ARRDC5: variants seen among roughly 807,000 people sequenced by gnomAD.
The protein encoded by ARRDC5 is arrestin domain containing 5.
In ARRDC5, 12 loss-of-function variants were observed where a neutral mutation model predicts 13.3. That is an observed-to-expected ratio of 0.90 (90% confidence interval 0.58 to 1.46). ARRDC5 has a LOEUF of 1.46. Among genes scored for constraint, ARRDC5 ranks in the 40% most tolerant of loss-of-function variants. The probability of loss-of-function intolerance (pLI) is 0.00; values close to 1 mark genes in which losing one functional copy is unlikely to be tolerated. For synonymous variants in ARRDC5, 181 were observed against 173.4 expected, an observed-to-expected ratio of 1.04 and a Z score of -0.34; for missense variants, 406 against 418.7, an observed-to-expected ratio of 0.97 and a Z score of 0.26.
chr19:4,897,630 C>CTGAG (rs34890159), intron 1 of ARRDC5, among the ~76,000 whole-genome samples: 2,562 of 152,258 alleles, frequency 0.017, 66 homozygotes, highest in African/African-American at 0.058. Flanking sequence ...GATTCTCCCA[C>CTGAG]CTCAGCCTCC....
the ARRDC5 span, among the ~76,000 whole-genome samples, chr19:4,912,773 TC>T: frequency 6.6e-6 from 1 of 152,056 alleles, no homozygotes; most frequent in Non-Finnish European, 1.5e-5. Flanking sequence ...TTGTTGTTGT[TC>T]CTATTTGAGA....
intron 2 of ARRDC5, among the ~76,000 whole-genome samples, chr19:4,892,964 G>A (rs1251593249): frequency 1.3e-5 from 2 of 151,016 alleles, no homozygotes; most frequent in South Asian, 2.1e-4. Context: ...TTAGCCGGGC[G>A]TGGTGGCAGG....
chr19:4,894,338 C>T (rs1262818169), intron 2 of ARRDC5, among the ~76,000 whole-genome samples: 2 of 150,408 alleles, frequency 1.3e-5, no homozygotes, highest in African/African-American at 4.9e-5. Context: ...GGTGAAACCC[C>T]GTCTCTACTA....
At chr19:4,898,494 TGGA>T (rs1349481954) in intron 1 of ARRDC5, among the ~76,000 whole-genome samples, 1 of 152,074 alleles carries the variant, frequency 6.6e-6, no homozygotes, top group Non-Finnish European at 1.5e-5. Context: ...CCTGAGTAGC[TGGA>T]ATTACAGGTG....
chr19:4,899,205 G>C (rs554639799), intron 1 of ARRDC5, among the ~76,000 whole-genome samples: 11 of 151,168 alleles, frequency 7.3e-5, no homozygotes, highest in African/African-American at 1.5e-4. Context: ...CCAGCTACTC[G>C]GGAGGCCAAG....
chr19:4,900,143 CTTTTTTTT>C (rs35303447), intron 1 of ARRDC5, among the ~76,000 whole-genome samples: 2 of 84,218 alleles, frequency 2.4e-5, no homozygotes, highest in African/African-American at 1.2e-4. Context: ...CTGTTTCTTT[CTTTTTTTT>C]TTTTTTTTTT....
the ARRDC5 span, among the ~76,000 whole-genome samples, chr19:4,914,113 G>A: frequency 6.6e-6 from 1 of 151,870 alleles, no homozygotes; most frequent in Non-Finnish European, 1.5e-5. Context: ...GGTGTGAACC[G>A]TCGCATCCGG....
At chr19:4,915,314 G>A in the ARRDC5 span, among the ~76,000 whole-genome samples, 9 of 152,210 alleles carry the variant, frequency 5.9e-5, no homozygotes, top group South Asian at 2.1e-4. Context: ...GGTAGAGGGC[G>A]CGGCCTCTGT....
At chr19:4,913,916 ATTC>A in the ARRDC5 span, among the ~76,000 whole-genome samples, 1 of 145,178 alleles carries the variant, frequency 6.9e-6, no homozygotes, top group African/African-American at 2.6e-5. Flanking sequence ...GGTTCCAGCG[ATTC>A]TTCTGCCTCA....
At chr19:4,916,404 C>T in the ARRDC5 span, among the ~76,000 whole-genome samples, 1 of 152,042 alleles carries the variant, frequency 6.6e-6, no homozygotes, top group Non-Finnish European at 1.5e-5. Flanking sequence ...CGGAGCCGTC[C>T]CTGGTGACGC....
chr19:4,902,909 C>T (rs1311969260), upstream of ARRDC5: 1 of 1,591,444 alleles, frequency 6.3e-7, no homozygotes, highest in Non-Finnish European at 8.6e-7. Context: ...TGAGGTAATC[C>T]ATCTATGACA....
At chr19:4,911,143 C>A in the ARRDC5 span, 36 of 1,118,648 alleles carry the variant, frequency 3.2e-5, no homozygotes, top group Non-Finnish European at 4.3e-5. Flanking sequence ...CCAACAACCT[C>A]GTCCGGTCCC....
At chr19:4,898,042 A>C (rs1394067638) in intron 1 of ARRDC5, among the ~76,000 whole-genome samples, 1 of 152,156 alleles carries the variant, frequency 6.6e-6, no homozygotes, top group Non-Finnish European at 1.5e-5. Flanking sequence ...AGCCGAGATC[A>C]TGCCACTGTA....
intron 2 of ARRDC5, among the ~76,000 whole-genome samples, chr19:4,892,174 GC>G (rs1330404377): frequency 1.3e-5 from 2 of 151,644 alleles, no homozygotes. Context: ...TGCAACCTCC[GC>G]CTCCCGGGTT....
intron 1 of ARRDC5, among the ~76,000 whole-genome samples, chr19:4,899,766 A>AAAG (rs1476883077): frequency 2.7e-5 from 3 of 111,968 alleles, no homozygotes; most frequent in Non-Finnish European, 5.5e-5. Context: ...CGTCTCTACA[A>AAAG]AAAAAAAAAA....
At chr19:4,910,000 T>C in the ARRDC5 span, 1 of 164,508 alleles carries the variant, frequency 6.1e-6, no homozygotes, top group Non-Finnish European at 1.3e-5. Context: ...GCGCCCTGAG[T>C]TCCCCGGGAG....
intron 2 of ARRDC5, among the ~76,000 whole-genome samples, chr19:4,892,388 AT>A (rs143254505): frequency 0.025 from 3,082 of 122,204 alleles, 43 homozygotes; most frequent in African/African-American, 0.061. Flanking sequence ...TGCATCCAGC[AT>A]TTTTTTTTTT....
At chr19:4,908,861 C>A in the ARRDC5 span, among the ~76,000 whole-genome samples, 1 of 152,190 alleles carries the variant, frequency 6.6e-6, no homozygotes, top group Non-Finnish European at 1.5e-5. Context: ...TGTAGGTGCC[C>A]AGCACAGGTC....
upstream of ARRDC5, among the ~76,000 whole-genome samples, chr19:4,905,119 T>G (rs1002226969): frequency 2.8e-5 from 4 of 141,350 alleles, no homozygotes; most frequent in African/African-American, 8.0e-5. Flanking sequence ...TTTTTTTTTT[T>G]TTTTTTTTTT....
Sources: gnomAD v4.1 joint callset for allele counts (sites outside exome capture counted in the v4.1 genomes callset) on GRCh38, gnomAD v4.1.1 for gene constraint, MANE v1.5 for transcripts, NCBI Gene and HGNC (gene_info 2026-07-23, HGNC 2026-07-21) for gene names.